PLAC1: variants seen among roughly 807,000 people sequenced by gnomAD.
PLAC1 encodes the protein placenta associated 1, also known as placenta-specific protein 1.
For missense variants in PLAC1, 136 were observed against 163.2 expected (o/e 0.83, Z 0.91); for synonymous variants, 68 against 62.1 (o/e 1.09, Z -0.44).
chrX:134,645,583 C>A (rs763027404), intron 1 of PLAC1, among the ~76,000 whole-genome samples: 2 of 111,809 alleles, frequency 1.8e-5, no homozygotes, highest in Non-Finnish European at 3.8e-5. Context: ...TAGCTCCCAG[C>A]AAAACTGTAA....
chrX:134,579,517 C>G (rs1367615811), intron 2 of PLAC1, among the ~76,000 whole-genome samples: 2 of 111,773 alleles, frequency 1.8e-5, no homozygotes, highest in African/African-American at 6.5e-5. Flanking sequence ...GGGACAGAAT[C>G]AACTTTAAAA....
intron 2 of PLAC1, among the ~76,000 whole-genome samples, chrX:134,694,047 G>C (rs748145471): frequency 8.1e-5 from 9 of 111,135 alleles, no homozygotes; most frequent in African/African-American, 2.6e-4. Context: ...AATTTTCGAG[G>C]TGCGTTTTGT....
At chrX:134,582,259 A>T (rs905372222) in intron 2 of PLAC1, among the ~76,000 whole-genome samples, 1 of 112,396 alleles carries the variant, frequency 8.9e-6, no homozygotes, top group African/African-American at 3.2e-5. Flanking sequence ...ATCTAGGGAT[A>T]TGGTAATTGG....
At chrX:134,613,446 T>G (rs1418718007) in intron 1 of PLAC1, among the ~76,000 whole-genome samples, 1 of 110,608 alleles carries the variant, frequency 9.0e-6, no homozygotes, top group African/African-American at 3.3e-5. Flanking sequence ...CTCCCTAGGA[T>G]GCAGGGCAGT....
At chrX:134,590,441 G>A (rs1249882276) in intron 2 of PLAC1, among the ~76,000 whole-genome samples, 2 of 111,210 alleles carry the variant, frequency 1.8e-5, no homozygotes, top group Non-Finnish European at 3.8e-5. Context: ...TGGGAGACAC[G>A]AAGTAAATAG....
intron 2 of PLAC1, among the ~76,000 whole-genome samples, chrX:134,726,019 C>T (rs2078673200): frequency 9.0e-6 from 1 of 111,353 alleles, no homozygotes; most frequent in Admixed American, 9.5e-5. Flanking sequence ...CAAAAACTTG[C>T]AGGGCATTTC....
At chrX:134,755,771 G>T (rs776638283) in intron 1 of PLAC1, among the ~76,000 whole-genome samples, 10 of 101,210 alleles carry the variant, frequency 9.9e-5, no homozygotes, top group Non-Finnish European at 1.8e-4. Context: ...TTCTTTATAT[G>T]TTTGGGATAT....
chrX:134,585,511 G>C (rs2077995928), intron 2 of PLAC1, among the ~76,000 whole-genome samples: 1 of 111,108 alleles, frequency 9.0e-6, no homozygotes, highest in Non-Finnish European at 1.9e-5. Context: ...CTGAGAGTGA[G>C]GGATATCTGT....
chrX:134,743,164 T>G, intron 1 of PLAC1, among the ~76,000 whole-genome samples: 1 of 111,532 alleles, frequency 9.0e-6, no homozygotes, highest in South Asian at 3.9e-4. Context: ...AGGCAATGTT[T>G]GTGAGGCCAG....
chrX:134,682,727 T>C (rs1360437576), intron 2 of PLAC1, among the ~76,000 whole-genome samples: 1 of 110,619 alleles, frequency 9.0e-6, no homozygotes, highest in East Asian at 2.8e-4. Flanking sequence ...AGCTAATTTT[T>C]GTATTTTTAG....
intron 2 of PLAC1, among the ~76,000 whole-genome samples, chrX:134,569,996 A>ATTTTTTTTTTTTTT (rs1569373206): frequency 7.3e-5 from 8 of 109,833 alleles, no homozygotes; most frequent in African/African-American, 2.7e-4. Flanking sequence ...TGCCCTGCTA[A>ATTTTTTTTTTTTTT]TTTTTGTATT....
upstream of PLAC1, chrX:134,658,569 C>T (rs954437864): frequency 8.9e-6 from 1 of 112,214 alleles, no homozygotes. Context: ...CTGGTGCTTT[C>T]GAAACAACAC....
chrX:134,601,205 A>G (rs892933147), intron 2 of PLAC1, among the ~76,000 whole-genome samples: 3 of 111,847 alleles, frequency 2.7e-5, no homozygotes, highest in African/African-American at 9.7e-5. Flanking sequence ...ATTTTAAATA[A>G]TTACATTGCA....
rs150389798 is a variant in PLAC1, at chrX:134,757,031, G to A, written n.89+7203C>T. ...AAAGGGGTCAGCTTCCTTTACAGAC[G>A]AATGGATAGCTAATAAATGTGGAAG... On this transcript the variant is annotated intron_variant and non_coding_transcript_variant, in intron 1 of 2. Transcript: ENST00000466797. Among the ~76,000 whole-genome samples the A allele has an allele frequency of 4.9e-3, 548 of 111,679 alleles. 5 individuals carry two copies. The highest frequency in any genetic ancestry group is 0.017 in the African/African-American group (526 of 30,773).
rs1187807622 is a variant in PLAC1, at chrX:134,630,034, C to T, written c.-130-27912G>A. Among the ~76,000 whole-genome samples the T allele has an allele frequency of 1.1e-4, 11 of 96,890 alleles. 2 individuals are homozygous for T. Among genetic ancestry groups the T allele is most frequent in the Admixed American group, 8.6e-4 (7 of 8,094 alleles). The allele number at this position is 96,890 out of a possible 115,157, so 84.1% of individuals were successfully genotyped here. On this transcript the variant is annotated intron_variant, in intron 1 of 2. Transcript: ENST00000359237. Reference sequence around the variant, plus strand: ...TTGCCCAGGCTGGAGTGCAATGGTGCGATCTAAGCTCACTGCAACCTCCGC... The same window carrying T: ...TTGCCCAGGCTGGAGTGCAATGGTGTGATCTAAGCTCACTGCAACCTCCGC...
intron 2 of PLAC1, among the ~76,000 whole-genome samples, chrX:134,671,248 G>A (rs759426084): frequency 3.6e-5 from 4 of 111,570 alleles, no homozygotes; most frequent in African/African-American, 6.5e-5. Flanking sequence ...AATGTAAAAT[G>A]TTATAATTTG....
chrX:134,672,058 G>C (rs2078457627), intron 2 of PLAC1, among the ~76,000 whole-genome samples: 1 of 111,597 alleles, frequency 9.0e-6, no homozygotes, highest in African/African-American at 3.3e-5. Flanking sequence ...TGTATCCCCA[G>C]TACAAAGTAC....
At chrX:134,603,314 T>TATATATATATATA (rs1184439848) in intron 1 of PLAC1, among the ~76,000 whole-genome samples, 2 of 7,219 alleles carry the variant, frequency 2.8e-4, no homozygotes, top group Non-Finnish European at 2.1e-4. Context: ...TATATATATA[T>TATATATATATATA]TTTTTTTTTT....
intron 2 of PLAC1, among the ~76,000 whole-genome samples, chrX:134,595,411 C>T (rs1364072348): frequency 9.1e-6 from 1 of 109,938 alleles, no homozygotes; most frequent in Non-Finnish European, 1.9e-5. Flanking sequence ...AATTTTCTGT[C>T]TAGTTGTTCT....
Sources: allele counts gnomAD v4.1 joint callset (sites outside exome capture counted in the v4.1 genomes callset), GRCh38; gene constraint gnomAD v4.1.1; transcripts MANE v1.5; gene names NCBI Gene and HGNC (gene_info 2026-07-23, HGNC 2026-07-21).